The following KHDRBS2 variants were observed in gnomAD, a reference collection of about 807,000 sequenced individuals.
The protein encoded by KHDRBS2 is KH RNA binding domain containing, signal transduction associated 2.
Under a neutral mutation model 44.3 loss-of-function variants are expected in KHDRBS2, and 26 were observed. That is an observed-to-expected ratio of 0.59 (90% confidence interval 0.43 to 0.81). KHDRBS2 has a LOEUF of 0.81. Among genes scored for constraint, KHDRBS2 ranks in the 40% least tolerant of loss-of-function variants. The pLI is 0.00. For synonymous variants in KHDRBS2, 194 were observed against 151.1 expected, an observed-to-expected ratio of 1.28 and a Z score of -2.08; for missense variants, 476 against 433.1, an observed-to-expected ratio of 1.10 and a Z score of -0.88.
chr6:61,569,267 C>G, the KHDRBS2 span, among the ~76,000 whole-genome samples: 1 of 152,136 alleles, frequency 6.6e-6, no homozygotes, highest in African/African-American at 2.4e-5. Flanking sequence ...AGCCCAGACC[C>G]TCCTAATCTT....
intron 2 of KHDRBS2, among the ~76,000 whole-genome samples, chr6:62,137,386 G>A (rs934558386): frequency 6.6e-6 from 1 of 152,108 alleles, no homozygotes; most frequent in Non-Finnish European, 1.5e-5. Flanking sequence ...AGACATGCCA[G>A]ACATCTGGGA....
chr6:61,847,175 C>T (rs557689760), intron 6 of KHDRBS2, among the ~76,000 whole-genome samples: 15 of 152,054 alleles, frequency 9.9e-5, no homozygotes, highest in African/African-American at 3.4e-4. Flanking sequence ...AGGGTAAGGA[C>T]AAATACAATG....
At chr6:61,975,163 A>G (rs1772305810) in intron 4 of KHDRBS2, among the ~76,000 whole-genome samples, 1 of 152,090 alleles carries the variant, frequency 6.6e-6, no homozygotes. Context: ...TTAGACAATT[A>G]CAACCCTTGG....
At chr6:61,952,422 G>C (rs183701625) in intron 4 of KHDRBS2, among the ~76,000 whole-genome samples, 1 of 151,942 alleles carries the variant, frequency 6.6e-6, no homozygotes, top group Non-Finnish European at 1.5e-5. Flanking sequence ...TAATTTTTTA[G>C]TTTCCCAGTT....
At chr6:62,013,667 C>T (rs1479821648) in intron 3 of KHDRBS2, among the ~76,000 whole-genome samples, 1 of 152,118 alleles carries the variant, frequency 6.6e-6, no homozygotes, top group Non-Finnish European at 1.5e-5. Context: ...GTTCTATGTG[C>T]TTTTGGAAAC....
At chr6:62,081,971 T>C (rs1173844717) in intron 2 of KHDRBS2, among the ~76,000 whole-genome samples, 1 of 152,086 alleles carries the variant, frequency 6.6e-6, no homozygotes, top group Non-Finnish European at 1.5e-5. Flanking sequence ...TGGAAATAAC[T>C]AAAGGAATTA....
At chr6:61,999,932 T>C (rs1346344654) in intron 3 of KHDRBS2, among the ~76,000 whole-genome samples, 1 of 152,130 alleles carries the variant, frequency 6.6e-6, no homozygotes, top group African/African-American at 2.4e-5. Context: ...TCAGTACACA[T>C]TAAAGTTATT....
the KHDRBS2 span, among the ~76,000 whole-genome samples, chr6:61,651,718 C>G: frequency 6.6e-6 from 1 of 152,110 alleles, no homozygotes; most frequent in Non-Finnish European, 1.5e-5. Flanking sequence ...TTAATAACCA[C>G]AGTCAATACT....
chr6:61,822,691 A>G (rs903588225), intron 6 of KHDRBS2, among the ~76,000 whole-genome samples: 1 of 151,682 alleles, frequency 6.6e-6, no homozygotes, highest in Non-Finnish European at 1.5e-5. Flanking sequence ...TCTATTCCCT[A>G]CTCTAGGCTT....
At chr6:62,103,649 G>C (rs1486219520) in intron 2 of KHDRBS2, among the ~76,000 whole-genome samples, 5 of 151,308 alleles carry the variant, frequency 3.3e-5, no homozygotes, top group African/African-American at 2.4e-5. Flanking sequence ...CAACAATGGG[G>C]CTCCCTCTGG....
Position 62,187,457 on chromosome 6 carries a change from G to T in KHDRBS2, c.92-10145C>A, listed in dbSNP as rs371601598. On this transcript the variant is annotated intron_variant, in intron 1 of 8. Coordinates refer to ENST00000281156, the MANE Select transcript of KHDRBS2 (RefSeq NM_152688.4). ...GTGCCTTCTTCAATCTTACAGTCTA[G>T]GGAGGTAGAAAGTAAATGAATAGGT... Among the ~76,000 whole-genome samples, 5 of 152,044 alleles carry T rather than the reference G, an allele frequency of 3.3e-5. No homozygotes were observed. In the East Asian group the frequency reaches 9.7e-4, roughly 29 times the overall value.
At chr6:62,227,349 T>C (rs1832062390) in intron 1 of KHDRBS2, among the ~76,000 whole-genome samples, 1 of 152,198 alleles carries the variant, frequency 6.6e-6, no homozygotes, top group African/African-American at 2.4e-5. Flanking sequence ...ATAGGAATGC[T>C]TGTGATTTTT....
At chr6:61,945,086 G>C (rs1309929909) in intron 4 of KHDRBS2, among the ~76,000 whole-genome samples, 1 of 57,392 alleles carries the variant, frequency 1.7e-5, no homozygotes, top group African/African-American at 7.0e-5. Context: ...GTGAGACTCT[G>C]TCTTAAAAAA....
chr6:61,643,617 G>A, the KHDRBS2 span, among the ~76,000 whole-genome samples: 1 of 152,020 alleles, frequency 6.6e-6, no homozygotes, highest in Non-Finnish European at 1.5e-5. Flanking sequence ...AAAGTTTCAG[G>A]ACATGAAATC....
intron 6 of KHDRBS2, among the ~76,000 whole-genome samples, chr6:61,865,897 A>G (rs1007043748): frequency 2.0e-5 from 3 of 152,222 alleles, no homozygotes; most frequent in African/African-American, 7.2e-5. Context: ...TATCCAGGTC[A>G]CGCTGATGCA....
intron 7 of KHDRBS2, among the ~76,000 whole-genome samples, chr6:61,702,822 T>G (rs1370477287): frequency 6.6e-6 from 1 of 151,958 alleles, no homozygotes; most frequent in South Asian, 2.1e-4. Context: ...CGTATTAATC[T>G]ATTTCATTAT....
At chr6:62,068,918 A>G (rs1215342768) in intron 2 of KHDRBS2, among the ~76,000 whole-genome samples, 1 of 151,696 alleles carries the variant, frequency 6.6e-6, no homozygotes, top group Non-Finnish European at 1.5e-5. Context: ...ATATTTTGAA[A>G]TTAACTGTTT....
intron 1 of KHDRBS2, among the ~76,000 whole-genome samples, chr6:62,252,138 T>C (rs1259550123): frequency 6.6e-6 from 1 of 151,866 alleles, no homozygotes; most frequent in Non-Finnish European, 1.5e-5. Context: ...ATATTTTTAA[T>C]AGGCTTTGAC....
the KHDRBS2 span, among the ~76,000 whole-genome samples, chr6:61,637,818 A>T: frequency 2.0e-5 from 3 of 151,970 alleles, no homozygotes; most frequent in Admixed American, 6.6e-5. Context: ...GTTTTTTGGC[A>T]GCATAAATGT....
Sources: gnomAD v4.1 joint callset for allele counts (sites outside exome capture counted in the v4.1 genomes callset) on GRCh38, gnomAD v4.1.1 for gene constraint, MANE v1.5 for transcripts, NCBI Gene and HGNC (gene_info 2026-07-23, HGNC 2026-07-21) for gene names.